The following ACP3 variants were observed in gnomAD, a reference collection of about 807,000 sequenced individuals.
ACP3 encodes the protein prostatic acid phosphatase.
ACP3 carries 38 observed loss-of-function variants against 45.6 expected under a neutral mutation model. That is an observed-to-expected ratio of 0.83 (90% CI 0.64 to 1.09). The LOEUF is 1.09. Among genes scored for constraint, ACP3 ranks in the 50% least tolerant of loss-of-function variants. The pLI is 0.00. For missense variants in ACP3, 466 were observed against 463.2 expected, an observed-to-expected ratio of 1.01 and a Z score of -0.05; for synonymous variants, 162 against 164.7, an observed-to-expected ratio of 0.98 and a Z score of 0.13.
intron 8 of ACP3, 106 bp downstream of exon 8, chr3:132,350,108 G>A (rs1296588626): frequency 9.1e-5 from 68 of 744,666 alleles, no homozygotes; most frequent in East Asian, 3.9e-4. Flanking sequence ...CTCCTTGTAC[G>A]TGGTAGGCAC....
At chr3:132,340,767 G>A (rs1005792762) in intron 5 of ACP3, among the ~76,000 whole-genome samples, 10 of 152,102 alleles carry the variant, frequency 6.6e-5, no homozygotes, top group Admixed American at 4.6e-4. Context: ...CAAAACTTGG[G>A]TTTTAACTAT....
chr3:132,352,900 G>T (rs184400398), intron 9 of ACP3, 77 bp downstream of exon 9: 1 of 1,057,792 alleles, frequency 9.5e-7, no homozygotes, highest in East Asian at 2.4e-5. Context: ...GTTAAGGGTT[G>T]TGTGCCTGTT....
chr3:132,345,721 T>C (rs1400881072), intron 7 of ACP3, among the ~76,000 whole-genome samples: 1 of 152,170 alleles, frequency 6.6e-6, no homozygotes, highest in East Asian at 1.9e-4. Flanking sequence ...TGGCTCTTCG[T>C]AGCACAGGAC....
rs115191378 is a variant in ACP3, at chr3:132,345,967, G to A, written c.781+908G>A. Among the ~76,000 whole-genome samples, 262 of 152,322 alleles carry A rather than the reference G, an allele frequency of 1.7e-3. 1 individual carries two copies. The highest frequency in any genetic ancestry group is 6.0e-3 in the African/African-American group (248 of 41,552). On this transcript the variant is annotated intron_variant, in intron 7 of 9. Transcript: ENST00000336375. ...AGAAAGTTCATCATGTCAGGTTGACGTAATGAGGAAAGTCCAAGCCACAGG... is the reference window on the plus strand; with the variant it reads ...AGAAAGTTCATCATGTCAGGTTGACATAATGAGGAAAGTCCAAGCCACAGG...
At position 132,356,998 on chromosome 3, in the gene ACP3, T is replaced by C. The variant is rs1462994081; in HGVS notation, c.*120T>C. On this transcript the variant is annotated 3_prime_UTR_variant, in exon 10 of 10. Coordinates refer to ENST00000336375, the MANE Select transcript of ACP3 (RefSeq NM_001099.5). ...GAAAATGGGCTTTGGATGATTATTT[T>C]ATGTTTTAGGGACCCCCAACCTCAG... 2.8e-6 allele frequency: 4 copies of C among 1,414,132 alleles called. No homozygotes were observed. Among genetic ancestry groups the C allele is most frequent in the Non-Finnish European group, 3.7e-6 (4 of 1,085,232 alleles). 87.6% of individuals were successfully genotyped at this position (1,414,132 alleles called of 1,614,324 possible). A position where few individuals can be genotyped will look rare whatever the true frequency, so the allele number is the denominator to read the frequency against.
At chr3:132,329,468 C>T (rs993707196) in intron 2 of ACP3, among the ~76,000 whole-genome samples, 1 of 152,110 alleles carries the variant, frequency 6.6e-6, no homozygotes, top group Non-Finnish European at 1.5e-5. Flanking sequence ...CTCAGGCAGG[C>T]TATTTGAGAC....
exon 11 of ACP3, chr3:132,367,717 C>A: frequency 6.2e-7 from 1 of 1,611,582 alleles, no homozygotes. Flanking sequence ...TAAAGGTCAT[C>A]TTTGCTGTTG....
rs1016533667 is a variant in ACP3 at position 132,342,441 on chromosome 3, A to G, written c.556-111A>G. ...AGGCCAGGATACTGTGAAACATCCT[A>G]TAATGCACAGGAGAGCTCCCTACAA... On this transcript the variant is annotated intron_variant, in intron 5 of 9. Transcript: ENST00000336375. The G allele has an allele frequency of 8.6e-6, 6 of 694,128 alleles. No individual in the cohort carries two copies. The African/African-American group carries it at 9.0e-5, about 10-fold the overall frequency. 43.0% of individuals were successfully genotyped at this position (694,128 alleles called of 1,614,324 possible).
At position 132,357,728 on chromosome 3, in the gene ACP3, ATGT is replaced by A; in HGVS notation, c.*853_*855del. 1 of 985,348 alleles carries A rather than the reference ATGT, an allele frequency of 1.0e-6. No individual in the cohort carries two copies. The highest frequency in any genetic ancestry group is 5.2e-4 in the Middle Eastern group (1 of 1,914). 61.0% of individuals were successfully genotyped at this position (985,348 alleles called of 1,614,324 possible). A position where few individuals can be genotyped will look rare whatever the true frequency, so the allele number is the denominator to read the frequency against. ...TCTCTAGAAGCTCCAGTGATAAGAG[ATGT>A]TGACTCTAAAGTTGATTTAAGGCCA... On this transcript the variant is annotated 3_prime_UTR_variant, in exon 10 of 10. Transcript: ENST00000336375.
At chr3:132,354,388 A>C (rs752139741) in intron 9 of ACP3, among the ~76,000 whole-genome samples, 15 of 152,250 alleles carry the variant, frequency 9.9e-5, no homozygotes, top group Admixed American at 2.0e-4. Flanking sequence ...CTATATTACA[A>C]ATCAAGTGTG....
intron 8 of ACP3, among the ~76,000 whole-genome samples, chr3:132,351,307 A>G (rs1937732166): frequency 6.6e-6 from 1 of 152,204 alleles, no homozygotes; most frequent in African/African-American, 2.4e-5. Flanking sequence ...GGGAGAGAAG[A>G]GTCTGAGACG....
At position 132,357,651 on chromosome 3, in the gene ACP3, C is replaced by G; in HGVS notation, c.*773C>G. On this transcript the variant is annotated 3_prime_UTR_variant, in exon 10 of 10. Transcript: ENST00000336375. ...TAGCAAATAAGTCATCTGATGAGAA[C>G]AAGCTATTTGGGCACAACACATCAG... The G allele has an allele frequency of 1.0e-6, 1 of 985,164 alleles. No individual in the cohort carries two copies. Among genetic ancestry groups the G allele is most frequent in the Non-Finnish European group, 1.2e-6 (1 of 829,738 alleles). 61.0% of individuals were successfully genotyped at this position (985,164 alleles called of 1,614,324 possible).
chr3:132,338,841 A>G (rs2107804275), intron 5 of ACP3, among the ~76,000 whole-genome samples: 1 of 152,246 alleles, frequency 6.6e-6, no homozygotes, highest in South Asian at 2.1e-4. Context: ...CTAGTTAAAT[A>G]CCATTTTTTG....
rs2793144 is a variant in ACP3 at position 132,347,373 on chromosome 3, A to G, written c.781+2314A>G. Among the ~76,000 whole-genome samples, 1,065 of 152,270 alleles carry G rather than the reference A, an allele frequency of 7.0e-3. 10 individuals carry two copies. Among genetic ancestry groups the G allele is most frequent in the African/African-American group, 0.024 (1,002 of 41,562 alleles). Reference sequence around the variant, plus strand: ...ACACATTCCTGCACAGAAAACACACATTGTCTAGGTGACAAAGAGTAATGT... The same window carrying G: ...ACACATTCCTGCACAGAAAACACACGTTGTCTAGGTGACAAAGAGTAATGT... On this transcript the variant is annotated intron_variant, in intron 7 of 9. Coordinates refer to ENST00000336375, the MANE Select transcript of ACP3 (RefSeq NM_001099.5).
downstream of ACP3, among the ~76,000 whole-genome samples, chr3:132,360,872 T>C (rs975246955): frequency 6.6e-6 from 1 of 152,218 alleles, no homozygotes; most frequent in Non-Finnish European, 1.5e-5. Flanking sequence ...GTTCAGCCAG[T>C]AGACAACGCC....
At chr3:132,342,066 T>C (rs1025716237) in intron 5 of ACP3, among the ~76,000 whole-genome samples, 2 of 152,238 alleles carry the variant, frequency 1.3e-5, no homozygotes, top group Non-Finnish European at 2.9e-5. Context: ...TGAAATATGC[T>C]TTCCTTTCTC....
intron 9 of ACP3, among the ~76,000 whole-genome samples, chr3:132,355,960 C>A (rs1937885219): frequency 1.3e-5 from 2 of 152,186 alleles, no homozygotes; most frequent in South Asian, 4.1e-4. Context: ...TTCTTGAGTT[C>A]CCCTCCTGAC....
chr3:132,365,541 T>C (rs1016406434), intron 10 of ACP3, among the ~76,000 whole-genome samples: 5 of 152,156 alleles, frequency 3.3e-5, no homozygotes, highest in Admixed American at 1.3e-4. Context: ...AGGGGACTCA[T>C]AGGAGACAGA....
At chr3:132,347,372 C>T (rs1398925608) in intron 7 of ACP3, among the ~76,000 whole-genome samples, 1 of 152,220 alleles carries the variant, frequency 6.6e-6, no homozygotes, top group Admixed American at 6.5e-5. Flanking sequence ...AGAAAACACA[C>T]ATTGTCTAGG....
Sources: gnomAD v4.1 joint callset for allele counts (sites outside exome capture counted in the v4.1 genomes callset) on GRCh38, gnomAD v4.1.1 for gene constraint, MANE v1.5 for transcripts, NCBI Gene and HGNC (gene_info 2026-07-23, HGNC 2026-07-21) for gene names.